The following CTNNA3 variants were observed in gnomAD, a reference collection of about 807,000 sequenced individuals.
CTNNA3 encodes catenin alpha 3, also known as catenin alpha-3.
Under a neutral mutation model 95.7 loss-of-function variants are expected in CTNNA3, and 76 were observed. The ratio of observed to expected loss-of-function variants is 0.79; its 90% CI spans 0.66 to 0.96. The LOEUF is 0.96. Among genes scored for constraint, CTNNA3 ranks in the 40% least tolerant of loss-of-function variants. The pLI, the probability that CTNNA3 is intolerant of heterozygous loss-of-function variation, is 0.00. For missense variants in CTNNA3, 1,191 were observed against 1,089.8 expected, an observed-to-expected ratio of 1.09 and a Z score of -1.31; for synonymous variants, 431 against 374.4, an observed-to-expected ratio of 1.15 and a Z score of -1.74.
chr10:67,541,048 A>G (rs1216820215), intron 3 of CTNNA3, among the ~76,000 whole-genome samples: 1 of 151,912 alleles, frequency 6.6e-6, no homozygotes, highest in African/African-American at 2.4e-5. Flanking sequence ...AACTTATTTT[A>G]CCAGGCCCCT....
intron 1 of CTNNA3, among the ~76,000 whole-genome samples, chr10:67,763,212 C>T (rs921616041): frequency 2.0e-5 from 3 of 151,892 alleles, no homozygotes; most frequent in Non-Finnish European, 4.4e-5. Flanking sequence ...TCGGGAATTA[C>T]TTTGTTCCCA....
chr10:66,589,736 T>A (rs1843481951), intron 10 of CTNNA3, among the ~76,000 whole-genome samples: 1 of 152,168 alleles, frequency 6.6e-6, no homozygotes, highest in Non-Finnish European at 1.5e-5. Flanking sequence ...AACATATGAT[T>A]TAACATGCTT....
chr10:65,961,119 A>G (rs1330894797), intron 17 of CTNNA3, among the ~76,000 whole-genome samples: 2 of 151,994 alleles, frequency 1.3e-5, no homozygotes, highest in African/African-American at 4.8e-5. Context: ...TTTCTCAATT[A>G]CTGCCACTTT....
chr10:67,584,941 C>A (rs919933450), intron 3 of CTNNA3, among the ~76,000 whole-genome samples: 2 of 152,180 alleles, frequency 1.3e-5, no homozygotes, highest in African/African-American at 2.4e-5. Context: ...GTGGGCGTGT[C>A]CTGATTTTCC....
At chr10:66,887,613 GGAGT>G (rs2132483478) in intron 7 of CTNNA3, among the ~76,000 whole-genome samples, 2 of 152,244 alleles carry the variant, frequency 1.3e-5, no homozygotes, top group South Asian at 4.2e-4. Context: ...CAAACAGATA[GGAGT>G]GAGTAAAGTT....
chr10:67,601,591 T>C (rs1353247348), intron 3 of CTNNA3, among the ~76,000 whole-genome samples: 1 of 152,110 alleles, frequency 6.6e-6, no homozygotes, highest in Non-Finnish European at 1.5e-5. Context: ...TTTAGGGTAA[T>C]AGAAACTATA....
chr10:67,664,464 G>A (rs113027233), intron 1 of CTNNA3, among the ~76,000 whole-genome samples: 3,355 of 152,204 alleles, frequency 0.022, 120 homozygotes, highest in African/African-American at 0.077. Flanking sequence ...GTAAGAGAAG[G>A]CAACTGGTTT....
chr10:66,781,425 A>G (rs1015810947), intron 7 of CTNNA3, among the ~76,000 whole-genome samples: 11 of 152,182 alleles, frequency 7.2e-5, no homozygotes, highest in Non-Finnish European at 1.6e-4. Context: ...TTCAGGCATG[A>G]AAGACACACA....
chr10:66,831,804 CT>C (rs1842730137), intron 7 of CTNNA3, among the ~76,000 whole-genome samples: 1 of 152,140 alleles, frequency 6.6e-6, no homozygotes, highest in African/African-American at 2.4e-5. Flanking sequence ...AGCACAATGT[CT>C]TTAATATGAT....
At chr10:65,959,686 G>T (rs1355921012) in intron 17 of CTNNA3, among the ~76,000 whole-genome samples, 1 of 152,082 alleles carries the variant, frequency 6.6e-6, no homozygotes, top group African/African-American at 2.4e-5. Context: ...CACCACACCT[G>T]GCTAATATTT....
At chr10:66,087,837 A>G (rs1333561099) in intron 14 of CTNNA3, among the ~76,000 whole-genome samples, 1 of 152,110 alleles carries the variant, frequency 6.6e-6, no homozygotes. Flanking sequence ...GACTTAGTCT[A>G]GAGGTAGTGC....
intron 1 of CTNNA3, among the ~76,000 whole-genome samples, chr10:67,738,667 T>G (rs1841316751): frequency 6.6e-6 from 1 of 150,490 alleles, no homozygotes; most frequent in Non-Finnish European, 1.5e-5. Context: ...TCCGAACCCA[T>G]GACAAAGAAG....
At chr10:66,670,765 T>A (rs951067605) in intron 9 of CTNNA3, among the ~76,000 whole-genome samples, 3 of 152,326 alleles carry the variant, frequency 2.0e-5, no homozygotes, top group East Asian at 3.9e-4. Flanking sequence ...TAACCAGGAA[T>A]GGGAATCTTG....
chr10:66,426,375 T>C (rs4451605), intron 11 of CTNNA3, among the ~76,000 whole-genome samples: 58,015 of 151,886 alleles, frequency 0.38, 11,645 homozygotes, highest in African/African-American at 0.5. Context: ...AGTATATTAC[T>C]GATACACTTT....
chr10:66,513,442 C>T (rs1376391033), intron 11 of CTNNA3, among the ~76,000 whole-genome samples: 1 of 152,172 alleles, frequency 6.6e-6, no homozygotes, highest in Non-Finnish European at 1.5e-5. Flanking sequence ...TGTGACTTTA[C>T]TGGAGATGGG....
chr10:67,555,871 G>A (rs887373077), intron 3 of CTNNA3, among the ~76,000 whole-genome samples: 2 of 152,186 alleles, frequency 1.3e-5, no homozygotes, highest in African/African-American at 2.4e-5. Context: ...TGCCCATTCA[G>A]TATGATATTG....
intron 7 of CTNNA3, among the ~76,000 whole-genome samples, chr10:67,151,096 T>G (rs1861069623): frequency 6.6e-6 from 1 of 152,146 alleles, no homozygotes; most frequent in South Asian, 2.1e-4. Context: ...CTCCTAAAAC[T>G]AAAAATTACT....
At chr10:67,665,535 A>G (rs1840312943) in intron 1 of CTNNA3, 1 of 152,136 alleles carries the variant, frequency 6.6e-6, no homozygotes, top group Non-Finnish European at 1.5e-5. Flanking sequence ...TTGACACTCC[A>G]CTCACCTACT....
intron 11 of CTNNA3, among the ~76,000 whole-genome samples, chr10:66,456,809 A>G (rs1589277430): frequency 1.3e-5 from 2 of 152,178 alleles, no homozygotes; most frequent in East Asian, 3.9e-4. Flanking sequence ...TTTTGAAAAA[A>G]TCAGCCAGGG....
Sources: allele counts gnomAD v4.1 joint callset (sites outside exome capture counted in the v4.1 genomes callset), GRCh38; gene constraint gnomAD v4.1.1; transcripts MANE v1.5; gene names NCBI Gene and HGNC (gene_info 2026-07-23, HGNC 2026-07-21).